The following SLC20A2 variants were observed in gnomAD, a reference collection of about 807,000 sequenced individuals.
SLC20A2 encodes sodium-dependent phosphate transporter 2.
A neutral mutation model predicts 61.0 loss-of-function variants in SLC20A2; 30 were observed. That is an observed-to-expected ratio of 0.49 (90% CI 0.37 to 0.67). The LOEUF (loss-of-function observed/expected upper bound fraction) is 0.67, where lower values mean the gene tolerates loss of function less well. Among genes scored for constraint, SLC20A2 ranks in the 30% least tolerant of loss-of-function variants. The probability of loss-of-function intolerance (pLI) is 0.00; values close to 1 mark genes in which losing one functional copy is unlikely to be tolerated. For missense variants in SLC20A2, 626 were observed against 866.4 expected, an observed-to-expected ratio of 0.72 and a Z score of 3.48; for synonymous variants, 351 against 353.3, an observed-to-expected ratio of 0.99 and a Z score of 0.07.
At chr8:42,428,110 G>C (rs1803553218) in intron 10 of SLC20A2, among the ~76,000 whole-genome samples, 1 of 152,114 alleles carries the variant, frequency 6.6e-6, no homozygotes, top group African/African-American at 2.4e-5. Flanking sequence ...CTGGCCACCT[G>C]TGGATCACTC....
chr8:42,475,791 C>T (rs1475693749), intron 1 of SLC20A2, among the ~76,000 whole-genome samples: 8 of 151,246 alleles, frequency 5.3e-5, no homozygotes, highest in Non-Finnish European at 1.2e-4. Flanking sequence ...GTCAGGAGCC[C>T]GCTGCATGGC....
intron 1 of SLC20A2, among the ~76,000 whole-genome samples, chr8:42,523,958 T>A (rs941285037): frequency 2.0e-5 from 3 of 152,176 alleles, no homozygotes; most frequent in African/African-American, 7.2e-5. Flanking sequence ...AAAGCAACAA[T>A]ATATAGTTAG....
At chr8:42,468,047 T>C (rs1194925313) in intron 2 of SLC20A2, among the ~76,000 whole-genome samples, 2 of 151,676 alleles carry the variant, frequency 1.3e-5, no homozygotes, top group African/African-American at 2.4e-5. Flanking sequence ...GGACTACAGG[T>C]GCCCGCTACC....
intron 1 of SLC20A2, among the ~76,000 whole-genome samples, chr8:42,510,997 T>C (rs186060050): frequency 1.0e-3 from 159 of 152,312 alleles, no homozygotes; most frequent in African/African-American, 3.7e-3. Flanking sequence ...ATAGAAAATC[T>C]GTTCTGGGGC....
At chr8:42,509,876 T>A (rs934206871) in intron 1 of SLC20A2, among the ~76,000 whole-genome samples, 3 of 152,178 alleles carry the variant, frequency 2.0e-5, no homozygotes, top group Admixed American at 2.0e-4. Context: ...TATATGCACC[T>A]CAAATGGAAA....
chr8:42,459,980 G>T lies in SLC20A2; in HGVS notation c.529C>A (p.Pro177Thr). The T allele has an allele frequency of 6.2e-7, 1 of 1,607,668 alleles. No homozygotes were observed. The highest frequency in any genetic ancestry group is 8.5e-7 in the Non-Finnish European group (1 of 1,174,774). The part of the protein sequence containing the change: ...IFILKKEDPV[P>T]NGLRALPVFY... ...ACTGGGAGTGCCCGGAGGCCATTGG[G>T]AACAGGGTCTTCCTGTAGGAAGACA... Residue 177 changes from proline to threonine, a missense_variant, in exon 5 of 11, where the codon CCC (proline) becomes ACC (threonine). Physicochemically the swap from Pro to Thr is conservative, Grantham distance 38 (BLOSUM62 -1). This residue lies in a region of SLC20A2 where 361 missense variants were observed against 422.3 expected (regional missense o/e 0.85). Transcript: ENST00000520262.
chr8:42,484,737 C>T, intron 1 of SLC20A2: 1 of 360,342 alleles, frequency 2.8e-6, no homozygotes. Context: ...CACCATGATC[C>T]AAGAGAGCCT....
intron 1 of SLC20A2, among the ~76,000 whole-genome samples, chr8:42,489,820 C>G (rs773297157): frequency 6.6e-6 from 1 of 152,154 alleles, no homozygotes; most frequent in Non-Finnish European, 1.5e-5. Context: ...ACTCCTTCCA[C>G]AGTTCAGGGA....
intron 8 of SLC20A2, among the ~76,000 whole-genome samples, chr8:42,432,844 C>T (rs775722329): frequency 6.7e-4 from 102 of 152,286 alleles, no homozygotes; most frequent in Non-Finnish European, 1.1e-3. Flanking sequence ...TTTTAAGACG[C>T]ATTTAATAGA....
intron 1 of SLC20A2, among the ~76,000 whole-genome samples, chr8:42,493,458 A>G (rs1013301954): frequency 2.6e-5 from 4 of 152,180 alleles, no homozygotes; most frequent in African/African-American, 7.2e-5. Flanking sequence ...CACTCAAAAT[A>G]TTACCTGAGA....
chr8:42,538,861 A>G (rs1812875535), intron 1 of SLC20A2, among the ~76,000 whole-genome samples: 1 of 152,190 alleles, frequency 6.6e-6, no homozygotes, highest in Non-Finnish European at 1.5e-5. Flanking sequence ...ACTGTAATAT[A>G]CTGCATTCTA....
At position 42,440,674 on chromosome 8, in the gene SLC20A2, A is replaced by G. The variant is rs144963224; in HGVS notation, c.731-1021T>C. ...TATATTTATGGCAAGTGCTAGCCAT[A>G]TAAGAAGCTGCCAAACAGTTTCCCT... On this transcript the variant is annotated intron_variant, in intron 6 of 10. Transcript: ENST00000520262. Among the ~76,000 whole-genome samples, 463 of 152,354 alleles carry G rather than the reference A, an allele frequency of 3.0e-3. 2 individuals carry two copies. Among genetic ancestry groups the G allele is most frequent in the Non-Finnish European group, 5.4e-3 (364 of 68,034 alleles).
intron 5 of SLC20A2, among the ~76,000 whole-genome samples, chr8:42,455,290 A>AGG (rs1238355440): frequency 7.2e-6 from 1 of 139,554 alleles, no homozygotes; most frequent in African/African-American, 2.6e-5. Flanking sequence ...AGAGAGAGAG[A>AGG]GAGCGTGCGC....
chr8:42,435,436 C>T (rs1804175153), intron 8 of SLC20A2, among the ~76,000 whole-genome samples: 1 of 152,158 alleles, frequency 6.6e-6, no homozygotes, highest in African/African-American at 2.4e-5. Context: ...GAGCATATTA[C>T]ACAGGGGAAG....
chr8:42,466,452 G>C (rs1807175943), intron 2 of SLC20A2, among the ~76,000 whole-genome samples: 1 of 152,176 alleles, frequency 6.6e-6, no homozygotes, highest in Admixed American at 6.5e-5. Context: ...TTTTCAGTGA[G>C]GGTGCTGTGT....
rs190089248 is a variant in SLC20A2 at position 42,440,957 on chromosome 8, C to T, written c.731-1304G>A. Among the ~76,000 whole-genome samples the T allele has an allele frequency of 3.0e-3, 461 of 151,926 alleles. 2 individuals carry two copies. The highest frequency in any genetic ancestry group is 0.014 in the Middle Eastern group (4 of 294). On this transcript the variant is annotated intron_variant, in intron 6 of 10. Coordinates refer to ENST00000520262, the MANE Select transcript of SLC20A2 (RefSeq NM_001257180.2). ...CTGGGACTACAGGTGCGTGCCACCA[C>T]GCCCAGCTAATTTTTGTATTTTTAG... is the stretch of plus-strand genomic sequence containing the variant.
intron 4 of SLC20A2, among the ~76,000 whole-genome samples, chr8:42,461,951 C>A (rs958266847): frequency 1.3e-5 from 2 of 152,174 alleles, no homozygotes; most frequent in Non-Finnish European, 2.9e-5. Context: ...TCTGCTCTCA[C>A]AGATCTTACA....
rs546368514 is a variant in SLC20A2, at chr8:42,439,171, C to G, written c.934+279G>C. 2.2e-3 allele frequency among the ~76,000 whole-genome samples: 331 copies of G among 152,338 alleles called. 3 individuals are homozygous for G. Among genetic ancestry groups the G allele is most frequent in the African/African-American group, 7.7e-3 (322 of 41,582 alleles). ...GGGGCATGGAGATCTGCATATGTAG[C>G]TGAGTGGGTGCAGCACAGACATACA... On this transcript the variant is annotated intron_variant, in intron 7 of 10. Transcript: ENST00000520262.
chr8:42,461,386 TAACTTCTGCAGGTGGAC>T (rs1563485104), intron 4 of SLC20A2, among the ~76,000 whole-genome samples: 1 of 152,070 alleles, frequency 6.6e-6, no homozygotes, highest in Non-Finnish European at 1.5e-5. Flanking sequence ...TCCCAACCAA[TAACTTCTGCAGGTGGAC>T]AGCCCCGAGT....
Sources: allele counts gnomAD v4.1 joint callset (sites outside exome capture counted in the v4.1 genomes callset), GRCh38; gene constraint gnomAD v4.1.1; regional missense constraint gnomAD v4.1.1; transcripts MANE v1.5; gene names NCBI Gene and HGNC (gene_info 2026-07-23, HGNC 2026-07-21).